The following OPA1 variants were observed in gnomAD, a reference collection of about 807,000 sequenced individuals.
The protein encoded by OPA1 is OPA1 mitochondrial dynamin like GTPase.
A neutral mutation model predicts 152.9 loss-of-function variants in OPA1; 59 were observed. The observed-to-expected ratio is 0.39, with a 90% CI of 0.31 to 0.48. The LOEUF is 0.48. Among genes scored for constraint, OPA1 ranks in the 20% least tolerant of loss-of-function variants. The probability of loss-of-function intolerance (pLI) is 0.96; values close to 1 mark genes in which losing one functional copy is unlikely to be tolerated. For synonymous variants in OPA1, 400 were observed against 389.9 expected (o/e 1.03, Z -0.31); for missense variants, 1,008 against 1,216.8 (o/e 0.83, Z 2.55).
chr3:193,647,298 A>C, intron 19 of OPA1, 118 bp downstream of exon 19: 2 of 704,378 alleles, frequency 2.8e-6, no homozygotes, highest in South Asian at 3.1e-5. Flanking sequence ...GTTCATTTAC[A>C]ATTAGACAGT....
chr3:193,646,302 A>G (rs1734600046), intron 18 of OPA1, among the ~76,000 whole-genome samples: 1 of 152,244 alleles, frequency 6.6e-6, no homozygotes, highest in South Asian at 2.1e-4. Context: ...TTCCTAGGTT[A>G]GTACGGTAAG....
chr3:193,642,704 C>A, intron 11 of OPA1, 61 bp from the exon 12 acceptor site: 2 of 1,221,640 alleles, frequency 1.6e-6, no homozygotes, highest in Non-Finnish European at 1.2e-6. Flanking sequence ...CACATACGGG[C>A]TGTGGGAATT....
chr3:193,671,969 G>A (rs528505005), intron 29 of OPA1, among the ~76,000 whole-genome samples: 1 of 152,124 alleles, frequency 6.6e-6, no homozygotes, highest in Non-Finnish European at 1.5e-5. Flanking sequence ...GAATTGTCTG[G>A]TGTTAAAATA....
chr3:193,678,817 C>CTTG (rs1236277296), intron 29 of OPA1, among the ~76,000 whole-genome samples: 2 of 152,170 alleles, frequency 1.3e-5, no homozygotes, highest in African/African-American at 4.8e-5. Flanking sequence ...CCCTTTCTCT[C>CTTG]TTCAAAGATG....
intron 16 of OPA1, among the ~76,000 whole-genome samples, 181 bp from the exon 17 acceptor site, chr3:193,645,372 A>G (rs188425299): frequency 7.0e-4 from 107 of 152,366 alleles, no homozygotes; most frequent in Admixed American, 2.7e-3. Flanking sequence ...TACATTTTCA[A>G]TGTAGTAAAA....
chr3:193,638,460 C>G (rs1341940551), intron 11 of OPA1, among the ~76,000 whole-genome samples: 1 of 152,140 alleles, frequency 6.6e-6, no homozygotes, highest in Non-Finnish European at 1.5e-5. Context: ...GGTTTTTAAC[C>G]CTTTTCCTGT....
intron 29 of OPA1, among the ~76,000 whole-genome samples, chr3:193,684,456 T>A (rs952600015): frequency 6.9e-6 from 1 of 145,908 alleles, no homozygotes; most frequent in Non-Finnish European, 1.5e-5. Flanking sequence ...CTTTTTTTTT[T>A]TTTTTTTTTT....
At chr3:193,633,866 A>G (rs1470077866) in intron 8 of OPA1, among the ~76,000 whole-genome samples, 1 of 152,158 alleles carries the variant, frequency 6.6e-6, no homozygotes, top group Non-Finnish European at 1.5e-5. Flanking sequence ...TACTACCAGA[A>G]TTTTGTTAAA....
chr3:193,666,179 A>G, intron 27 of OPA1, 117 bp from the exon 28 acceptor site: 1 of 826,920 alleles, frequency 1.2e-6, no homozygotes, highest in Admixed American at 1.9e-5. Flanking sequence ...CATTAGGTAA[A>G]TCTGAGTACT....
intron 22 of OPA1, 62 bp downstream of exon 22, chr3:193,655,089 AT>A: frequency 4.7e-6 from 7 of 1,475,544 alleles, no homozygotes; most frequent in Non-Finnish European, 5.7e-6. Flanking sequence ...GGAGCTGTGA[AT>A]TTTAGATTTT....
At chr3:193,646,986 A>G (rs1415211687) in intron 18 of OPA1, 79 bp from the exon 19 acceptor site, 2 of 882,474 alleles carry the variant, frequency 2.3e-6, no homozygotes, top group Non-Finnish European at 3.6e-6. Flanking sequence ...TAGCAAGCAC[A>G]TTCGCAGACT....
chr3:193,659,256 A>G (rs1714647834), intron 24 of OPA1, among the ~76,000 whole-genome samples: 1 of 152,224 alleles, frequency 6.6e-6, no homozygotes, highest in Non-Finnish European at 1.5e-5. Context: ...TCGCTACTGT[A>G]CTTATAGGAA....
chr3:193,645,433 G>T (rs569380650), intron 16 of OPA1, 120 bp from the exon 17 acceptor site: 1 of 672,782 alleles, frequency 1.5e-6, no homozygotes, highest in Non-Finnish European at 2.6e-6. Flanking sequence ...AAATGCTTTT[G>T]TGCAGATTTA....
intron 8 of OPA1, among the ~76,000 whole-genome samples, chr3:193,634,691 A>C (rs561412282): frequency 6.6e-6 from 1 of 152,282 alleles, no homozygotes; most frequent in East Asian, 1.9e-4. Flanking sequence ...TACAGGTGTG[A>C]GCCTCTGCGC....
intron 7 of OPA1, among the ~76,000 whole-genome samples, chr3:193,627,814 T>C (rs146927137): frequency 6.6e-6 from 1 of 152,300 alleles, no homozygotes; most frequent in Non-Finnish European, 1.5e-5. Context: ...CTCTTTCTGA[T>C]ATTTATTGGG....
chr3:193,662,966 A>C lies in OPA1; in HGVS notation c.2661+4A>C. On this transcript the variant is annotated splice_donor_region_variant and intron_variant, in intron 26 of 30. Transcript: ENST00000361510. ...AGTAGAAGTAGATCCAAGCTTGGTA[A>C]TAAATACTGCTGAGAAGCAGGAATC... 2 of 1,613,410 alleles carry C rather than the reference A, an allele frequency of 1.2e-6. No individual in the cohort carries two copies. The highest frequency in any genetic ancestry group is 2.2e-5 in the South Asian group (2 of 91,052).
intron 29 of OPA1, among the ~76,000 whole-genome samples, chr3:193,678,480 A>G (rs1194878651): frequency 6.6e-6 from 1 of 152,152 alleles, no homozygotes; most frequent in Non-Finnish European, 1.5e-5. Context: ...TAATTTCTGG[A>G]ACACATTTTT....
chr3:193,650,645 T>C (rs1254365389), intron 21 of OPA1, among the ~76,000 whole-genome samples: 1 of 152,220 alleles, frequency 6.6e-6, no homozygotes, highest in African/African-American at 2.4e-5. Flanking sequence ...GACAGTTTGT[T>C]ATTTCCTTTA....
chr3:193,659,047 C>A, intron 24 of OPA1, 52 bp downstream of exon 24: 1 of 1,180,934 alleles, frequency 8.5e-7, no homozygotes, highest in South Asian at 1.2e-5. Flanking sequence ...GTGAAGGAGT[C>A]ATCCAACTTT....
Sources: allele counts gnomAD v4.1 joint callset (sites outside exome capture counted in the v4.1 genomes callset), GRCh38; gene constraint gnomAD v4.1.1; transcripts MANE v1.5; gene names NCBI Gene and HGNC (gene_info 2026-07-23, HGNC 2026-07-21).